Variants in SP140 observed in about 807,000 individuals in gnomAD.
SP140 encodes the protein nuclear body protein SP140.
A neutral mutation model predicts 125.0 loss-of-function variants in SP140; 81 were observed. That is an observed-to-expected ratio of 0.65 (90% CI 0.54 to 0.78). SP140 has a LOEUF of 0.78. Among genes scored for constraint, SP140 ranks in the 30% least tolerant of loss-of-function variants. The pLI, the probability that SP140 is intolerant of heterozygous loss-of-function variation, is 0.00. For missense variants in SP140, 858 were observed against 1,037.0 expected (o/e 0.83, Z 2.37); for synonymous variants, 312 against 354.0 (o/e 0.88, Z 1.33).
At chr2:230,234,131 C>A (rs1398580285) in intron 1 of SP140, among the ~76,000 whole-genome samples, 1 of 152,200 alleles carries the variant, frequency 6.6e-6, no homozygotes, top group Non-Finnish European at 1.5e-5. Flanking sequence ...AATAATTCGT[C>A]CTACACAGTG....
intron 12 of SP140, 73 bp downstream of exon 12, chr2:230,255,605 C>A: frequency 7.2e-7 from 1 of 1,392,806 alleles, no homozygotes; most frequent in Non-Finnish European, 1.0e-6. Context: ...GCTCGTGTTT[C>A]CTGATTGACT....
chr2:230,269,563 TGAA>T lies in SP140; in HGVS notation c.1277_1279del (p.Glu426del), dbSNP rs1403764029. The stretch of plus-strand genomic sequence containing the variant: ...GTGAACTAGAAAATCACCCAATGAA[TGAA>T]GAAGGAGAATCAGAAGAGCTTGCTT... On this transcript the variant is annotated inframe_deletion, in exon 13 of 27. Transcript: ENST00000392045. 2 of 1,608,070 alleles carry T rather than the reference TGAA, an allele frequency of 1.2e-6. No individual in the cohort carries two copies. The highest frequency in any genetic ancestry group is 1.7e-6 in the Non-Finnish European group (2 of 1,175,406).
upstream of SP140, among the ~76,000 whole-genome samples, chr2:230,198,849 C>T (rs150029705): frequency 3.3e-5 from 5 of 152,270 alleles, no homozygotes; most frequent in South Asian, 4.1e-4. Context: ...CCACCCACCT[C>T]GGCCTCCCAA....
At chr2:230,285,480 CAATCATTATAACATTTTCATTTAAGTCTG>C (rs1226433461) in intron 16 of SP140, among the ~76,000 whole-genome samples, 5 of 152,164 alleles carry the variant, frequency 3.3e-5, no homozygotes, top group Non-Finnish European at 5.9e-5. Flanking sequence ...TGTTTGGACT[CAATCATTATAACATTTTCATTTAAGTCTG>C]AATCATTATA....
intron 1 of SP140, among the ~76,000 whole-genome samples, chr2:230,228,752 T>C (rs1012332986): frequency 6.6e-6 from 1 of 152,220 alleles, no homozygotes; most frequent in African/African-American, 2.4e-5. Context: ...TCTTGCTCCA[T>C]CCCTTTATGT....
At chr2:230,292,833 C>A in intron 20 of SP140, 45 bp downstream of exon 20, 1 of 1,610,804 alleles carries the variant, frequency 6.2e-7, no homozygotes, top group South Asian at 1.1e-5. Context: ...TTCTTGTTCC[C>A]TAATAATGAG....
At position 230,309,904 on chromosome 2, in the gene SP140, G is replaced by A; in HGVS notation, c.2059-20G>A. On this transcript the variant is annotated intron_variant, in intron 22 of 26. Transcript: ENST00000392045. ...GAATCTTGCGGTTCCCAGTGACGTG[G>A]ACACTGTTTTATCTTCTAGATGAGA... 1 of 1,612,584 alleles carries A rather than the reference G, an allele frequency of 6.2e-7. No homozygotes were observed. Among genetic ancestry groups the A allele is most frequent in the Non-Finnish European group, 8.5e-7 (1 of 1,179,700 alleles).
the SP140 span, among the ~76,000 whole-genome samples, chr2:230,189,605 T>A: frequency 6.6e-6 from 1 of 152,162 alleles, no homozygotes; most frequent in Non-Finnish European, 1.5e-5. Context: ...GGGACACACG[T>A]GCAGAACATG....
chr2:230,186,166 T>C, the SP140 span: 3 of 1,613,302 alleles, frequency 1.9e-6, no homozygotes, highest in Non-Finnish European at 2.5e-6. Context: ...GACTTGTGAA[T>C]AGTTTAGTGA....
chr2:230,296,757 G>A (rs2057774712), intron 21 of SP140, among the ~76,000 whole-genome samples: 1 of 152,168 alleles, frequency 6.6e-6, no homozygotes, highest in Non-Finnish European at 1.5e-5. Context: ...GCTCCTCTGG[G>A]TGGGATGACA....
the SP140 span, among the ~76,000 whole-genome samples, chr2:230,188,886 G>T: frequency 6.6e-6 from 1 of 151,898 alleles, no homozygotes; most frequent in Non-Finnish European, 1.5e-5. Context: ...CTCACTGTTT[G>T]TTATTGGTCT....
upstream of SP140, among the ~76,000 whole-genome samples, chr2:230,225,289 G>A (rs2046189594): frequency 6.6e-6 from 1 of 152,194 alleles, no homozygotes; most frequent in Admixed American, 6.5e-5. Context: ...TTTTACCTCT[G>A]TCTGCTTTCA....
chr2:230,306,618 T>A (rs1454318446), intron 22 of SP140, among the ~76,000 whole-genome samples: 2 of 152,252 alleles, frequency 1.3e-5, no homozygotes, highest in African/African-American at 4.8e-5. Flanking sequence ...TGCTGCAATC[T>A]TGGAGCAGGG....
intron 6 of SP140, 105 bp from the exon 7 acceptor site, chr2:230,245,757 AT>A (rs1353600513): frequency 1.4e-6 from 1 of 703,846 alleles, no homozygotes; most frequent in Admixed American, 2.4e-5. Context: ...AGATACCTTT[AT>A]TCCCAGGGAG....
chr2:230,225,939 C>G, intron 1 of SP140, 36 bp downstream of exon 1: 1 of 1,566,514 alleles, frequency 6.4e-7, no homozygotes, highest in Non-Finnish European at 8.8e-7. Context: ...TGTCCTTCAT[C>G]TCTGGTAGGG....
intron 8 of SP140, among the ~76,000 whole-genome samples, chr2:230,248,361 G>A (rs796536974): frequency 6.6e-6 from 1 of 152,156 alleles, no homozygotes; most frequent in Non-Finnish European, 1.5e-5. Flanking sequence ...GGTTGTGCAA[G>A]GCCAGCTGGG....
intron 1 of SP140, among the ~76,000 whole-genome samples, chr2:230,213,494 CAG>C (rs1316084806): frequency 7.9e-5 from 12 of 152,182 alleles, no homozygotes; most frequent in Admixed American, 3.3e-4. Context: ...CTCATTTCTG[CAG>C]AGTCAGCTTC....
intron 26 of SP140, 34 bp from the exon 27 acceptor site, chr2:230,312,552 A>G (rs1391558542): frequency 7.1e-7 from 1 of 1,405,034 alleles, no homozygotes; most frequent in African/African-American, 1.4e-5. Context: ...GCTAATGATG[A>G]GGAGCATTGT....
chr2:230,202,465 T>C, upstream of SP140: 1 of 958,856 alleles, frequency 1.0e-6, no homozygotes, highest in Admixed American at 2.0e-5. Context: ...CCTCATTCTC[T>C]GTACTTTTTC....
Sources: gnomAD v4.1 joint callset for allele counts (sites outside exome capture counted in the v4.1 genomes callset) on GRCh38, gnomAD v4.1.1 for gene constraint, MANE v1.5 for transcripts, NCBI Gene and HGNC (gene_info 2026-07-23, HGNC 2026-07-21) for gene names.